MYH11: variants seen among roughly 807,000 people sequenced by gnomAD.
MYH11 encodes myosin-11.
A neutral mutation model predicts 246.6 loss-of-function variants in MYH11; 80 were observed. That is an observed-to-expected ratio of 0.32 (90% confidence interval 0.27 to 0.39). The LOEUF (loss-of-function observed/expected upper bound fraction) is 0.39, where lower values mean the gene tolerates loss of function less well. MYH11 is among the 10% of genes least tolerant of loss of function. MYH11 has a pLI of 1.00. For synonymous variants in MYH11, 1,071 were observed against 1,015.5 expected (o/e 1.05, Z -1.04); for missense variants, 2,158 against 2,546.8 (o/e 0.85, Z 3.29).
chr16:15,742,275 A>G (rs1454368902), intron 20 of MYH11: 8 of 292,962 alleles, frequency 2.7e-5, no homozygotes, highest in Non-Finnish European at 3.9e-5. Context: ...CTGAAAAGTG[A>G]TATTTCCTTC....
Position 15,710,069 on chromosome 16 carries a change from A to C in MYH11, c.5786+4840T>G, listed in dbSNP as rs534382648. 2.6e-5 allele frequency among the ~76,000 whole-genome samples: 4 copies of C among 152,320 alleles called. No homozygotes were observed. The South Asian group carries it at 8.3e-4, about 32-fold the overall frequency. ...CTGATTTTATGTTTTTGTGCACCCA[A>C]AAGATGCAGAAGGCAGGACAGACCT... On this transcript the variant is annotated intron_variant, in intron 40 of 40. Transcript: ENST00000300036.
chr16:15,807,026 G>C (rs183123852), intron 3 of MYH11, among the ~76,000 whole-genome samples: 3 of 152,086 alleles, frequency 2.0e-5, no homozygotes, highest in African/African-American at 4.8e-5. Flanking sequence ...GCAGTAGCAC[G>C]ATCATAGCTA....
chr16:15,756,957 C>G (rs2151273598), intron 13 of MYH11, among the ~76,000 whole-genome samples: 1 of 151,700 alleles, frequency 6.6e-6, no homozygotes, highest in South Asian at 2.1e-4. Flanking sequence ...TGCCACGGCG[C>G]CCGGCTGATT....
chr16:15,721,175 GC>G, intron 32 of MYH11, 124 bp from the exon 33 acceptor site: 1 of 1,120,612 alleles, frequency 8.9e-7, no homozygotes, highest in Non-Finnish European at 1.3e-6. Context: ...AGGATGCATG[GC>G]CGGGACTCAA....
At chr16:15,740,477 G>T (rs984363022) in intron 22 of MYH11, among the ~76,000 whole-genome samples, 1 of 152,022 alleles carries the variant, frequency 6.6e-6, no homozygotes, top group Non-Finnish European at 1.5e-5. Context: ...CAGGCATGGT[G>T]GTGGGCTCCT....
chr16:15,833,389 A>AAGGAAGGAAGGGAGGG (rs772175540), intron 2 of MYH11, among the ~76,000 whole-genome samples: 4 of 113,358 alleles, frequency 3.5e-5, no homozygotes, highest in Non-Finnish European at 6.1e-5. Context: ...GGGAGGGAGG[A>AAGGAAGGAAGGGAGGG]AGGAAGGAAG....
chr16:15,737,694 G>A (rs2041161679), intron 24 of MYH11, 74 bp from the exon 25 acceptor site: 1 of 1,551,792 alleles, frequency 6.4e-7, no homozygotes. Context: ...TCCTGCCCAG[G>A]CATTTTACCC....
intron 17 of MYH11, 28 bp from the exon 18 acceptor site, chr16:15,747,971 G>A (rs755241101): frequency 2.5e-5 from 40 of 1,613,978 alleles, no homozygotes; most frequent in Middle Eastern, 1.6e-4. Context: ...AAGTCACCCC[G>A]GGTACCTCCA....
At chr16:15,738,774 C>T in intron 23 of MYH11, 86 bp from the exon 24 acceptor site, 1 of 1,491,278 alleles carries the variant, frequency 6.7e-7, no homozygotes, top group Non-Finnish European at 9.2e-7. Flanking sequence ...TCCATGTAAA[C>T]AGTTGAAAGA....
At chr16:15,841,871 C>T (rs2044061143) in intron 1 of MYH11, among the ~76,000 whole-genome samples, 1 of 152,164 alleles carries the variant, frequency 6.6e-6, no homozygotes, top group Admixed American at 6.6e-5. Context: ...GAATTCACAA[C>T]TCCTTTGAAT....
intron 28 of MYH11, chr16:15,725,506 C>T (rs935078870): frequency 2.4e-5 from 10 of 423,798 alleles, no homozygotes; most frequent in African/African-American, 4.1e-5. Context: ...AAGGTAAAAA[C>T]GTCCTCTCTG....
chr16:15,704,439 C>G (rs1312445900), intron 40 of MYH11, among the ~76,000 whole-genome samples: 6 of 152,152 alleles, frequency 3.9e-5, no homozygotes, highest in Admixed American at 3.9e-4. Context: ...CCACAGGATT[C>G]TGGTCTGCTG....
At chr16:15,720,057 G>T in intron 34 of MYH11, 94 bp downstream of exon 34, 1 of 1,538,846 alleles carries the variant, frequency 6.5e-7, no homozygotes, top group African/African-American at 1.4e-5. Flanking sequence ...GCAGGTGCAG[G>T]CTTGCTTCCT....
At chr16:15,788,288 T>C (rs1399638189) in intron 4 of MYH11, among the ~76,000 whole-genome samples, 1 of 151,800 alleles carries the variant, frequency 6.6e-6, no homozygotes, top group Non-Finnish European at 1.5e-5. Context: ...TGTGTTTCCT[T>C]TCTTTGCCTT....
rs186390100 is a variant in MYH11, at chr16:15,826,029, A to G, written c.346-2618T>C. ...TTAAGTGACTTGACCGAGGTCACCA[A>G]AGAAGATCCTGGCAGCACCAAGCCC... On this transcript the variant is annotated intron_variant, in intron 2 of 40. Coordinates refer to ENST00000300036, the MANE Select transcript of MYH11 (RefSeq NM_002474.3). 1.6e-3 allele frequency among the ~76,000 whole-genome samples: 242 copies of G among 152,246 alleles called. 4 individuals carry two copies. The highest frequency in any genetic ancestry group is 1.6e-4 in the Non-Finnish European group (11 of 68,004).
intron 27 of MYH11, among the ~76,000 whole-genome samples, chr16:15,729,263 C>T (rs2040888934): frequency 6.6e-6 from 1 of 152,092 alleles, no homozygotes; most frequent in South Asian, 2.1e-4. Flanking sequence ...TGATGTTAAA[C>T]GTTTCCCCCA....
chr16:15,801,513 T>A (rs1191908158), intron 3 of MYH11, among the ~76,000 whole-genome samples: 2 of 151,582 alleles, frequency 1.3e-5, no homozygotes, highest in Non-Finnish European at 2.9e-5. Flanking sequence ...TTTTTTTTAA[T>A]TAGCTATGTG....
intron 37 of MYH11, chr16:15,717,873 G>C (rs1031681028): frequency 3.6e-6 from 1 of 278,448 alleles, no homozygotes; most frequent in African/African-American, 2.2e-5. Flanking sequence ...CTCTGTCCTG[G>C]AGTCGCCTGG....
chr16:15,738,788 A>C, intron 23 of MYH11, 100 bp from the exon 24 acceptor site: 2 of 1,383,692 alleles, frequency 1.4e-6, no homozygotes, highest in Non-Finnish European at 2.0e-6. Context: ...TGAAAGAAAA[A>C]CCCACATTAT....
Sources: gnomAD v4.1 joint callset for allele counts (sites outside exome capture counted in the v4.1 genomes callset) on GRCh38, gnomAD v4.1.1 for gene constraint, MANE v1.5 for transcripts, NCBI Gene and HGNC (gene_info 2026-07-23, HGNC 2026-07-21) for gene names.